Variants in USP10 observed in about 807,000 individuals in gnomAD.
USP10 encodes the protein ubiquitin carboxyl-terminal hydrolase 10.
USP10 carries 22 observed loss-of-function variants against 84.5 expected under a neutral mutation model. The ratio of observed to expected loss-of-function variants is 0.26; its 90% CI spans 0.19 to 0.37. USP10 has a LOEUF of 0.37. Among genes scored for constraint, USP10 ranks in the 10% least tolerant of loss-of-function variants. The pLI, the probability that USP10 is intolerant of heterozygous loss-of-function variation, is 1.00. For synonymous variants in USP10, 454 were observed against 387.6 expected (o/e 1.17, Z -2.01); for missense variants, 1,019 against 998.9 (o/e 1.02, Z -0.27).
chr16:84,767,025 C>G (rs1047837944), intron 10 of USP10, among the ~76,000 whole-genome samples: 1 of 152,172 alleles, frequency 6.6e-6, no homozygotes, highest in African/African-American at 2.4e-5. Context: ...CACCAGCTCT[C>G]ATGAGCGGTT....
intron 2 of USP10, among the ~76,000 whole-genome samples, chr16:84,736,724 A>T (rs1034818952): frequency 6.6e-6 from 1 of 152,106 alleles, no homozygotes; most frequent in Non-Finnish European, 1.5e-5. Context: ...GGCAGTGGGC[A>T]GTGTGTGTGG....
chr16:84,702,244 G>A (rs563515561), intron 1 of USP10, among the ~76,000 whole-genome samples: 199 of 151,776 alleles, frequency 1.3e-3, no homozygotes, highest in Non-Finnish European at 1.5e-3. Flanking sequence ...TTTTATTAAA[G>A]ACGGGTTTCA....
At chr16:84,746,421 C>T (rs376269529) in intron 4 of USP10, among the ~76,000 whole-genome samples, 1 of 152,224 alleles carries the variant, frequency 6.6e-6, no homozygotes, top group African/African-American at 2.4e-5. Context: ...TACACAAATA[C>T]AGGTGGTAGA....
At chr16:84,714,400 C>T (rs1906725207) in intron 1 of USP10, among the ~76,000 whole-genome samples, 3 of 152,146 alleles carry the variant, frequency 2.0e-5, no homozygotes, top group South Asian at 2.1e-4. Flanking sequence ...CTCCCTGCAC[C>T]ATCTAACTCC....
chr16:84,757,150 G>A (rs569313400), intron 4 of USP10, among the ~76,000 whole-genome samples: 1 of 152,150 alleles, frequency 6.6e-6, no homozygotes, highest in Middle Eastern at 3.4e-3. Flanking sequence ...ATCTCTGCTG[G>A]GTGTCATCAC....
intron 1 of USP10, among the ~76,000 whole-genome samples, chr16:84,720,858 A>G (rs971528749): frequency 1.0e-4 from 15 of 148,456 alleles, no homozygotes; most frequent in African/African-American, 3.7e-4. Context: ...CTGGGATTAC[A>G]GTCCTGGGCC....
At chr16:84,775,276 G>T in intron 13 of USP10, 51 bp downstream of exon 13, 2 of 1,574,024 alleles carry the variant, frequency 1.3e-6, no homozygotes, top group Non-Finnish European at 1.7e-6. Context: ...TGATGAAGGG[G>T]TTTACAGCTG....
At chr16:84,758,389 C>G (rs1912831559) in intron 4 of USP10, among the ~76,000 whole-genome samples, 1 of 151,908 alleles carries the variant, frequency 6.6e-6, no homozygotes, top group African/African-American at 2.4e-5. Context: ...AAGGCTGTAT[C>G]TCTCAAATCT....
At chr16:84,777,352 G>A (rs1272251512) in intron 13 of USP10, among the ~76,000 whole-genome samples, 1 of 152,232 alleles carries the variant, frequency 6.6e-6, no homozygotes, top group African/African-American at 2.4e-5. Context: ...AGATTCTACT[G>A]ATGGTCGCTT....
chr16:84,778,080 TAA>T (rs1915197934), intron 13 of USP10, among the ~76,000 whole-genome samples: 5 of 150,168 alleles, frequency 3.3e-5, no homozygotes, highest in Admixed American at 3.3e-4. Flanking sequence ...ATTTTTTTTT[TAA>T]GTAAATAACT....
At chr16:84,719,013 A>G (rs1304029949) in intron 1 of USP10, among the ~76,000 whole-genome samples, 2 of 151,936 alleles carry the variant, frequency 1.3e-5, no homozygotes, top group African/African-American at 2.4e-5. Context: ...GCTGGTCTCG[A>G]ACTCCTGACC....
In USP10 at chr16:84,779,020, G is replaced by C. The variant is rs758687803; in HGVS notation, c.2335G>C (p.Val779Leu). 1 of 1,614,036 alleles carries C rather than the reference G, an allele frequency of 6.2e-7. No individual in the cohort carries two copies. Among genetic ancestry groups the C allele is most frequent in the South Asian group, 1.1e-5 (1 of 91,082 alleles). ...CAAGGTGATCAACCAGTACCAGGTG[G>C]TGAAACCAACTGCTGAACGCACAGC... ...TVKVINQYQV[V>L]KPTAERTAYL... Residue 779 changes from valine to leucine, a missense_variant, in exon 14 of 14, where the codon GTG becomes CTG. Val to Leu is a conservative substitution (Grantham distance 32). This residue lies in a region of USP10 where 232 missense variants were observed against 290.1 expected (regional missense o/e 0.80). Coordinates refer to ENST00000219473, the MANE Select transcript of USP10 (RefSeq NM_005153.3).
At chr16:84,755,497 C>G (rs908706915) in intron 4 of USP10, among the ~76,000 whole-genome samples, 1 of 152,036 alleles carries the variant, frequency 6.6e-6, no homozygotes, top group African/African-American at 2.4e-5. Flanking sequence ...ACTTCTCTAC[C>G]CTTCCAGCCC....
At chr16:84,755,205 A>G (rs1427309245) in intron 4 of USP10, among the ~76,000 whole-genome samples, 5 of 151,214 alleles carry the variant, frequency 3.3e-5, no homozygotes, top group Admixed American at 2.6e-4. Flanking sequence ...TCAGTGCTAA[A>G]CAGGAATGAA....
chr16:84,723,037 T>C (rs1050891314), intron 1 of USP10, among the ~76,000 whole-genome samples: 1 of 152,088 alleles, frequency 6.6e-6, no homozygotes, highest in Non-Finnish European at 1.5e-5. Flanking sequence ...GCATGCCTGC[T>C]TCACACTGGA....
At chr16:84,770,500 A>C (rs1045647639) in intron 11 of USP10, among the ~76,000 whole-genome samples, 3 of 152,056 alleles carry the variant, frequency 2.0e-5, no homozygotes, top group Non-Finnish European at 4.4e-5. Context: ...TGGCTGGGCG[A>C]GGTGGCTCAC....
intron 10 of USP10, among the ~76,000 whole-genome samples, chr16:84,764,854 A>G (rs1233246530): frequency 6.6e-6 from 1 of 150,498 alleles, no homozygotes; most frequent in Non-Finnish European, 1.5e-5. Context: ...AAAAAGATAC[A>G]GGAGAATGTC....
At chr16:84,727,012 C>T (rs1175613683) in intron 1 of USP10, among the ~76,000 whole-genome samples, 1 of 152,180 alleles carries the variant, frequency 6.6e-6, no homozygotes, top group Admixed American at 6.5e-5. Flanking sequence ...GTGGGAAGGG[C>T]AGAGTTAGCC....
chr16:84,773,636 C>T (rs952463160), intron 12 of USP10, among the ~76,000 whole-genome samples: 3 of 152,210 alleles, frequency 2.0e-5, no homozygotes, highest in African/African-American at 7.2e-5. Flanking sequence ...TCCGTTGCTC[C>T]TCTCACACTT....
Sources: allele counts gnomAD v4.1 joint callset (sites outside exome capture counted in the v4.1 genomes callset), GRCh38; gene constraint gnomAD v4.1.1; regional missense constraint gnomAD v4.1.1; transcripts MANE v1.5; gene names NCBI Gene and HGNC (gene_info 2026-07-23, HGNC 2026-07-21).